The following NSUN6 variants were observed in gnomAD, a reference collection of about 807,000 sequenced individuals.
The protein encoded by NSUN6 is tRNA (cytosine(72)-C(5))-methyltransferase NSUN6.
In NSUN6, 64 loss-of-function variants were observed where a neutral mutation model predicts 58.0. That is an observed-to-expected ratio of 1.10 (90% CI 0.90 to 1.36). NSUN6 has a LOEUF of 1.36. Ranked by LOEUF, NSUN6 falls within the 40% of genes most tolerant of loss-of-function variation. The probability of loss-of-function intolerance (pLI) is 0.00; values close to 1 mark genes in which losing one functional copy is unlikely to be tolerated. For synonymous variants in NSUN6, 231 were observed against 193.9 expected (o/e 1.19, Z -1.59); for missense variants, 701 against 550.1 (o/e 1.27, Z -2.74).
chr10:18,654,122 G>T (rs2059751772), upstream of NSUN6, among the ~76,000 whole-genome samples: 1 of 152,104 alleles, frequency 6.6e-6, no homozygotes. Flanking sequence ...CTGCCCTCGA[G>T]TCTCACTCTG....
At chr10:18,594,223 G>C (rs891800896) in intron 7 of NSUN6, among the ~76,000 whole-genome samples, 2 of 149,196 alleles carry the variant, frequency 1.3e-5, no homozygotes, top group African/African-American at 4.9e-5. Context: ...AAGAAAGCAA[G>C]CCTGGTGACA....
chr10:18,571,522 T>TC (rs1246343200), intron 8 of NSUN6, among the ~76,000 whole-genome samples: 1 of 150,962 alleles, frequency 6.6e-6, no homozygotes, highest in Non-Finnish European at 1.5e-5. Context: ...TCTATTCCAT[T>TC]CCCCACTCCA....
intron 2 of NSUN6, among the ~76,000 whole-genome samples, chr10:18,644,014 C>A (rs1414777720): frequency 6.6e-6 from 1 of 152,150 alleles, no homozygotes; most frequent in African/African-American, 2.4e-5. Context: ...TATTTTAAAA[C>A]AGCCTTATTG....
intron 8 of NSUN6, among the ~76,000 whole-genome samples, chr10:18,577,238 A>G (rs779589568): frequency 6.6e-6 from 1 of 152,206 alleles, no homozygotes; most frequent in African/African-American, 2.4e-5. Context: ...TTAAAACTCA[A>G]TGTTGTACCT....
chr10:18,619,327 G>A (rs1354441705), intron 3 of NSUN6, among the ~76,000 whole-genome samples: 1 of 152,230 alleles, frequency 6.6e-6, no homozygotes, highest in Non-Finnish European at 1.5e-5. Flanking sequence ...ACTTACGGCT[G>A]CGCATTCTCA....
chr10:18,550,447 G>C (rs1385416834), intron 9 of NSUN6, among the ~76,000 whole-genome samples: 1 of 152,154 alleles, frequency 6.6e-6, no homozygotes, highest in African/African-American at 2.4e-5. Context: ...AACATCCATT[G>C]TTGCTCTAGC....
chr10:18,552,465 G>C (rs2054666445), intron 8 of NSUN6, among the ~76,000 whole-genome samples: 1 of 152,082 alleles, frequency 6.6e-6, no homozygotes, highest in Non-Finnish European at 1.5e-5. Context: ...ACCACCCCTA[G>C]ATTCAATCTT....
At chr10:18,573,576 C>A (rs2056501469) in intron 8 of NSUN6, among the ~76,000 whole-genome samples, 1 of 152,052 alleles carries the variant, frequency 6.6e-6, no homozygotes, top group Admixed American at 6.6e-5. Context: ...ACAACAAGTT[C>A]TAGAAAAAGT....
chr10:18,642,218 G>T (rs1296524267), intron 3 of NSUN6, among the ~76,000 whole-genome samples: 1 of 147,676 alleles, frequency 6.8e-6, no homozygotes, highest in Non-Finnish European at 1.5e-5. Flanking sequence ...ACAGAAAGTG[G>T]GGGGGGGAAA....
At position 18,614,482 on chromosome 10, in the gene NSUN6, A is replaced by C; in HGVS notation, c.553T>G (p.Phe185Val). Residue 185 changes from phenylalanine to valine, a missense_variant, in exon 5 of 11, where the codon TTC (phenylalanine) becomes GTC (valine). Coordinates refer to ENST00000377304, the MANE Select transcript of NSUN6 (RefSeq NM_182543.5). The stretch of plus-strand genomic sequence containing the variant: ...TACTTCAGTTCAGGTAATCCACTGA[A>C]GATTTCTTTGCGGCTTAGTTCAGAA... ...GISELSRKEI[F>V]SGLPELKGMG... 1 of 1,553,516 alleles carries C rather than the reference A, an allele frequency of 6.4e-7. No homozygotes were observed. The highest frequency in any genetic ancestry group is 8.7e-7 in the Non-Finnish European group (1 of 1,154,386).
intron 8 of NSUN6, among the ~76,000 whole-genome samples, chr10:18,573,876 T>C (rs1054988145): frequency 6.6e-6 from 1 of 152,154 alleles, no homozygotes; most frequent in Non-Finnish European, 1.5e-5. Flanking sequence ...TTAGGCTTAG[T>C]TGGATACTGC....
chr10:18,587,680 C>A (rs957014292), intron 7 of NSUN6, among the ~76,000 whole-genome samples: 6 of 152,116 alleles, frequency 3.9e-5, no homozygotes, highest in African/African-American at 1.4e-4. Context: ...CCAGGAAGTG[C>A]AAGCAGCTGG....
At chr10:18,599,148 C>T (rs1220809626) in intron 6 of NSUN6, among the ~76,000 whole-genome samples, 5 of 152,184 alleles carry the variant, frequency 3.3e-5, no homozygotes, top group Admixed American at 2.6e-4. Context: ...AGAAATCCTC[C>T]CACATCAGCC....
At chr10:18,586,118 T>C (rs778347936) in intron 7 of NSUN6, 25 bp from the exon 8 acceptor site, 6 of 1,472,318 alleles carry the variant, frequency 4.1e-6, no homozygotes, top group East Asian at 2.4e-5. Flanking sequence ...AACACACACA[T>C]GCAGAAAAAA....
In NSUN6 at chr10:18,614,465, T is replaced by C. The variant is rs2058341697; in HGVS notation, c.570A>G (p.Glu190=). The C allele has an allele frequency of 6.6e-7, 1 of 1,526,374 alleles. No homozygotes were observed. The highest frequency in any genetic ancestry group is 8.8e-7 in the Non-Finnish European group (1 of 1,139,894). 94.6% of individuals were successfully genotyped at this position (1,526,374 alleles called of 1,614,324 possible). A position where few individuals can be genotyped will look rare whatever the true frequency, so the allele number is the denominator to read the frequency against. Residue 190 remains glutamate, a synonymous_variant, in exon 5 of 11, where the codon GAA becomes GAG. Coordinates refer to ENST00000377304, the MANE Select transcript of NSUN6 (RefSeq NM_182543.5). The stretch of plus-strand genomic sequence containing the variant: ...CAAAGCACCTGATGACATACTTCAG[T>C]TCAGGTAATCCACTGAAGATTTCTT... ...SRKEIFSGLP[E]LKGMGIRMTE...
At chr10:18,598,282 C>T (rs12765238) in intron 6 of NSUN6, among the ~76,000 whole-genome samples, 29,438 of 152,148 alleles carry the variant, frequency 0.19, 3,111 homozygotes, top group South Asian at 0.31. Context: ...TCCCATCACC[C>T]TTTGCTGACT....
rs1356483843 is a variant in NSUN6 at position 18,566,346 on chromosome 10, T to C, written c.923-14375A>G. On this transcript the variant is annotated intron_variant, in intron 8 of 10. Transcript: ENST00000377304. ...TATTCCATTCCACAATCCATTCCATTCCGCAATCCATTCCACTCCACATTC... is the reference window on the plus strand; with the variant it reads ...TATTCCATTCCACAATCCATTCCATCCCGCAATCCATTCCACTCCACATTC... Among the ~76,000 whole-genome samples, 6 of 150,628 alleles carry C rather than the reference T, an allele frequency of 4.0e-5. 1 individual carries two copies. Among genetic ancestry groups the C allele is most frequent in the Admixed American group, 1.3e-4 (2 of 15,058 alleles).
At chr10:18,655,252 T>C (rs1038647735), upstream of NSUN6, 126 of 532,302 alleles carry the variant, frequency 2.4e-4, no homozygotes, top group Non-Finnish European at 2.9e-4. Context: ...GCAGGGTTCC[T>C]GGGCAATCTA....
At chr10:18,578,052 A>G (rs1418502439) in intron 8 of NSUN6, among the ~76,000 whole-genome samples, 1 of 152,152 alleles carries the variant, frequency 6.6e-6, no homozygotes, top group African/African-American at 2.4e-5. Context: ...GAGAAGTAAA[A>G]AAGAAAATTG....
Sources: allele counts gnomAD v4.1 joint callset (sites outside exome capture counted in the v4.1 genomes callset), GRCh38; gene constraint gnomAD v4.1.1; transcripts MANE v1.5; gene names NCBI Gene and HGNC (gene_info 2026-07-23, HGNC 2026-07-21).